The following RTF1 variants were observed in gnomAD, a reference collection of about 807,000 sequenced individuals.
RTF1 encodes the protein RNA polymerase-associated protein RTF1 homolog.
RTF1 carries 10 observed loss-of-function variants against 95.7 expected under a neutral mutation model. The ratio of observed to expected loss-of-function variants is 0.10; its 90% CI spans 0.06 to 0.18. The LOEUF is 0.18. RTF1 is among the 10% of genes least tolerant of loss of function. RTF1 has a pLI of 1.00. For synonymous variants in RTF1, 305 were observed against 311.8 expected, an observed-to-expected ratio of 0.98 and a Z score of 0.23; for missense variants, 458 against 875.6, an observed-to-expected ratio of 0.52 and a Z score of 6.02.
chr15:41,446,037 A>C (rs2050759154), intron 2 of RTF1, among the ~76,000 whole-genome samples: 1 of 152,106 alleles, frequency 6.6e-6, no homozygotes, highest in African/African-American at 2.4e-5. Flanking sequence ...CACCACACCC[A>C]GCTTCCTCTG....
chr15:41,432,517 C>A (rs888220339), intron 1 of RTF1, among the ~76,000 whole-genome samples: 7 of 151,874 alleles, frequency 4.6e-5, no homozygotes, highest in Non-Finnish European at 8.8e-5. Flanking sequence ...GTATGTAGAG[C>A]GGAACCTCCT....
chr15:41,457,563 T>C, intron 3 of RTF1, 109 bp from the exon 4 acceptor site: 2 of 949,514 alleles, frequency 2.1e-6, no homozygotes. Flanking sequence ...AATAACAAAC[T>C]GGTTTCTTAC....
intron 4 of RTF1, among the ~76,000 whole-genome samples, chr15:41,458,138 C>T (rs2050828515): frequency 6.6e-6 from 1 of 152,188 alleles, no homozygotes. Flanking sequence ...ATTTAATCTT[C>T]ACAACTGCTC....
Position 41,428,522 on chromosome 15 carries a change from C to T in RTF1, c.199-9799C>T, listed in dbSNP as rs544326197. On this transcript the variant is annotated intron_variant, in intron 1 of 17. Coordinates refer to ENST00000389629, the MANE Select transcript of RTF1 (RefSeq NM_015138.5). Reference sequence around the variant, plus strand: ...TGACCTTGTGATCCGCCCACCTCAGCCTCCCAAAGTGCTGGGATTACAAGT... The same window carrying T: ...TGACCTTGTGATCCGCCCACCTCAGTCTCCCAAAGTGCTGGGATTACAAGT... 7.9e-5 allele frequency among the ~76,000 whole-genome samples: 12 copies of T among 151,496 alleles called. No homozygotes were observed. In the South Asian group the frequency reaches 2.1e-3, roughly 26 times the overall value.
chr15:41,480,473 G>A, intron 17 of RTF1, 108 bp from the exon 18 acceptor site: 1 of 969,594 alleles, frequency 1.0e-6, no homozygotes, highest in Middle Eastern at 2.4e-4. Flanking sequence ...CTGTGGGTAT[G>A]GTGAGAGGGA....
At chr15:41,452,157 C>A (rs1352324320) in intron 2 of RTF1, among the ~76,000 whole-genome samples, 1 of 152,172 alleles carries the variant, frequency 6.6e-6, no homozygotes, top group Non-Finnish European at 1.5e-5. Context: ...AGGCTGGGGC[C>A]AGGCACAGTG....
chr15:41,477,492 G>A lies in RTF1; in HGVS notation c.1717G>A (p.Val573Ile), dbSNP rs1205548468. The A allele has an allele frequency of 6.2e-7, 1 of 1,614,210 alleles. No homozygotes were observed. Among genetic ancestry groups the A allele is most frequent in the Non-Finnish European group, 8.5e-7 (1 of 1,180,034 alleles). Residue 573 changes from valine to isoleucine, a missense_variant, in exon 14 of 18, where the codon GTA becomes ATA. This residue lies in a region of RTF1 where 15 missense variants were observed against 57.1 expected (regional missense o/e 0.26). Transcript: ENST00000389629. ...INQRNREWNI[V>I]ESEKALVAES... ...CCAGCGGAACCGGGAGTGGAACATTGTAGAGTCTGAGAAGGCCCTTGTGGT... is the reference window on the plus strand; with the variant it reads ...CCAGCGGAACCGGGAGTGGAACATTATAGAGTCTGAGAAGGCCCTTGTGGT...
intron 6 of RTF1, among the ~76,000 whole-genome samples, chr15:41,468,531 A>G (rs950613509): frequency 6.6e-6 from 1 of 152,000 alleles, no homozygotes; most frequent in Non-Finnish European, 1.5e-5. Flanking sequence ...GTTAGCCAGG[A>G]TGGTCTTGAT....
At chr15:41,479,559 A>C (rs1267991030) in intron 16 of RTF1, among the ~76,000 whole-genome samples, 1 of 152,194 alleles carries the variant, frequency 6.6e-6, no homozygotes, top group Non-Finnish European at 1.5e-5. Context: ...TGAAAATGGC[A>C]CATTTAAAAG....
At chr15:41,419,726 A>C (rs2050590706) in intron 1 of RTF1, among the ~76,000 whole-genome samples, 1 of 152,252 alleles carries the variant, frequency 6.6e-6, no homozygotes, top group Admixed American at 6.5e-5. Context: ...TCTGATGAAT[A>C]AAATAAGTTG....
chr15:41,425,574 G>C (rs2140945062), intron 1 of RTF1, among the ~76,000 whole-genome samples: 1 of 152,274 alleles, frequency 6.6e-6, no homozygotes, highest in East Asian at 1.9e-4. Context: ...GTCCAGATGA[G>C]AGATGATGGA....
At chr15:41,442,775 A>G (rs1388333911) in intron 2 of RTF1, among the ~76,000 whole-genome samples, 2 of 152,026 alleles carry the variant, frequency 1.3e-5, no homozygotes, top group Non-Finnish European at 2.9e-5. Context: ...AGTCCTAGCT[A>G]CTCGGGAGGC....
intron 2 of RTF1, among the ~76,000 whole-genome samples, chr15:41,445,099 A>AT (rs567397431): frequency 7.3e-5 from 11 of 150,372 alleles, no homozygotes; most frequent in East Asian, 2.0e-4. Context: ...TGCCCAGCTA[A>AT]TTTTTTTTTG....
At chr15:41,452,019 A>G (rs537134223) in intron 2 of RTF1, among the ~76,000 whole-genome samples, 1 of 152,164 alleles carries the variant, frequency 6.6e-6, no homozygotes, top group South Asian at 2.1e-4. Context: ...GCAACATAGC[A>G]AGAACCTGTC....
At chr15:41,455,777 C>CAA (rs746228506) in intron 3 of RTF1, among the ~76,000 whole-genome samples, 2 of 111,604 alleles carry the variant, frequency 1.8e-5, no homozygotes, top group Non-Finnish European at 3.8e-5. Flanking sequence ...ACTCTGTCTC[C>CAA]AAAAAAAAAA....
chr15:41,436,623 CAAAAA>C (rs1217444789), intron 1 of RTF1, among the ~76,000 whole-genome samples: 1 of 50,816 alleles, frequency 2.0e-5, no homozygotes, highest in Non-Finnish European at 4.1e-5. Context: ...GACTCTGTCT[CAAAAA>C]AAAAAAAAAA....
At chr15:41,446,724 C>G (rs2050765286) in intron 2 of RTF1, among the ~76,000 whole-genome samples, 1 of 152,046 alleles carries the variant, frequency 6.6e-6, no homozygotes, top group African/African-American at 2.4e-5. Context: ...TAAGGAGATA[C>G]TCTCTGGTTA....
chr15:41,477,093 A>T (rs2050945327), intron 12 of RTF1, 72 bp from the exon 13 acceptor site: 1 of 1,598,120 alleles, frequency 6.3e-7, no homozygotes, highest in Non-Finnish European at 8.6e-7. Context: ...CTGTGCTGGA[A>T]GTAAGGGGAT....
At chr15:41,439,172 C>T (rs182724283) in intron 2 of RTF1, among the ~76,000 whole-genome samples, 1 of 151,638 alleles carries the variant, frequency 6.6e-6, no homozygotes, top group Non-Finnish European at 1.5e-5. Flanking sequence ...GCTGGGACTA[C>T]AGGCACCCGC....
Sources: allele counts gnomAD v4.1 joint callset (sites outside exome capture counted in the v4.1 genomes callset), GRCh38; gene constraint gnomAD v4.1.1; regional missense constraint gnomAD v4.1.1; transcripts MANE v1.5; gene names NCBI Gene and HGNC (gene_info 2026-07-23, HGNC 2026-07-21).